STRAP: variants seen among roughly 807,000 people sequenced by gnomAD.
STRAP encodes the protein serine-threonine kinase receptor-associated protein.
Under a neutral mutation model 47.0 loss-of-function variants are expected in STRAP, and 16 were observed. The observed-to-expected ratio is 0.34, with a 90% CI of 0.23 to 0.52. The LOEUF (loss-of-function observed/expected upper bound fraction) is 0.52. STRAP is among the 20% of genes least tolerant of loss of function. STRAP has a pLI of 0.96. For synonymous variants in STRAP, 130 were observed against 142.7 expected (o/e 0.91, Z 0.63); for missense variants, 293 against 420.0 (o/e 0.70, Z 2.64).
chr12:15,893,558 A>G (rs1398519236), intron 4 of STRAP, among the ~76,000 whole-genome samples: 1 of 146,202 alleles, frequency 6.8e-6, no homozygotes, highest in Admixed American at 6.8e-5. Flanking sequence ...TATATTTATT[A>G]TACTTATACA....
rs71042275 is a variant in STRAP, at chr12:15,902,992, G to GT, written c.*15dup. ...GTTAAGGCCTGAGCGTCAATCATAT[G>GT]TGCAGTTAGTATACAACTGACTAAA... On this transcript the variant is annotated 3_prime_UTR_variant, in exon 10 of 10. Transcript: ENST00000419869. 1,549,643 of 1,549,652 alleles carry GT rather than the reference G, an allele frequency of 1. 774,817 individuals carry two copies. The highest frequency in any genetic ancestry group is 1 in the East Asian group (43,426 of 43,426).
In STRAP at chr12:15,899,965, C is replaced by G. The variant is rs368728573; in HGVS notation, c.837C>G (p.Leu279=). Residue 279 remains leucine, a synonymous_variant, in exon 8 of 10, where the codon CTC becomes CTG. Transcript: ENST00000419869. The part of the protein sequence containing the change: ...HCVRFSPDGE[L]YASGSEDGTL... Reference sequence around the variant, plus strand: ...TGAGATTTAGTCCTGATGGAGAACTCTATGCCAGTGGTTCAGAAGATGGAA... The same window carrying G: ...TGAGATTTAGTCCTGATGGAGAACTGTATGCCAGTGGTTCAGAAGATGGAA... The G allele has an allele frequency of 9.9e-6, 16 of 1,613,578 alleles. No individual in the cohort carries two copies. Among genetic ancestry groups the G allele is most frequent in the East Asian group, 2.2e-5 (1 of 44,840 alleles).
In STRAP at chr12:15,890,021, T is replaced by C. The variant is rs375975398; in HGVS notation, c.330+12T>C. On this transcript the variant is annotated intron_variant, in intron 3 of 9. Coordinates refer to ENST00000419869, the MANE Select transcript of STRAP (RefSeq NM_007178.4). The surrounding 1 kb of genome is among the most constrained non-coding windows in gnomAD (Gnocchi z 4.5). Reference sequence around the variant, plus strand: ...TGGATTTCACGCAGGTATCAGAAAATGGAATTTATTTTAGCGAGTTAAGTT... The same window carrying C: ...TGGATTTCACGCAGGTATCAGAAAACGGAATTTATTTTAGCGAGTTAAGTT... 1.7e-5 allele frequency: 28 copies of C among 1,612,630 alleles called. No individual in the cohort carries two copies. Among genetic ancestry groups the C allele is most frequent in the East Asian group, 2.2e-5 (1 of 44,812 alleles).
chr12:15,891,526 T>TA (rs1393020901), intron 4 of STRAP, among the ~76,000 whole-genome samples: 2 of 152,260 alleles, frequency 1.3e-5, no homozygotes, highest in Admixed American at 1.3e-4. Flanking sequence ...TTGGGCTACT[T>TA]ACAGATTTTA....
At chr12:15,891,614 C>T (rs996883684) in intron 4 of STRAP, among the ~76,000 whole-genome samples, 7 of 152,110 alleles carry the variant, frequency 4.6e-5, no homozygotes, top group African/African-American at 1.7e-4. Context: ...GATAACTAAG[C>T]AAAAGTAGAA....
rs1424517653 is a variant in STRAP, at chr12:15,882,830, C to A, written c.112+11C>A. The A allele has an allele frequency of 6.2e-7, 1 of 1,608,156 alleles. No individual in the cohort carries two copies. The highest frequency in any genetic ancestry group is 8.5e-7 in the Non-Finnish European group (1 of 1,176,732). The stretch of plus-strand genomic sequence containing the variant: ...TCAGCGCTTGCAAAGGTGAGCAAGG[C>A]CGCAATCCTGGTCCTCGACGGCTGG... On this transcript the variant is annotated intron_variant, in intron 1 of 9. Transcript: ENST00000419869.
In STRAP at chr12:15,902,908, T is replaced by TTC; in HGVS notation, c.992-9_992-8insTC. The TTC allele has an allele frequency of 6.7e-7, 1 of 1,489,800 alleles. No homozygotes were observed. Among genetic ancestry groups the TTC allele is most frequent in the Non-Finnish European group, 8.9e-7 (1 of 1,128,020 alleles). The allele number at this position is 1,489,800 out of a possible 1,614,324, so 92.3% of individuals were successfully genotyped here. On this transcript the variant is annotated splice_polypyrimidine_tract_variant and intron_variant, in intron 9 of 9. Transcript: ENST00000419869. ...GACTTTTTTTTTTTTTTTTTTTTTT[T>TTC]ACTTATAGAAGAAATTGCTTCAGAG...
chr12:15,893,465 A>G (rs1591986824), intron 4 of STRAP, among the ~76,000 whole-genome samples: 1 of 146,946 alleles, frequency 6.8e-6, no homozygotes, highest in Non-Finnish European at 1.5e-5. Context: ...TATAATAAAT[A>G]TATACTTTTT....
Position 15,883,787 on chromosome 12 carries a change from A to G in STRAP, c.248+111A>G, listed in dbSNP as rs866645516. The G allele has an allele frequency of 3.2e-5, 44 of 1,391,932 alleles. No individual in the cohort carries two copies. In the Middle Eastern group the frequency reaches 3.0e-3, roughly 93 times the overall value. 86.2% of individuals were successfully genotyped at this position (1,391,932 alleles called of 1,614,324 possible). Reference sequence around the variant, plus strand: ...AAAATTCTGACTCACTGGCTGCCATACAGAACGCATGTTTGATCCCACCAA... The same window carrying G: ...AAAATTCTGACTCACTGGCTGCCATGCAGAACGCATGTTTGATCCCACCAA... On this transcript the variant is annotated intron_variant, in intron 2 of 9. Coordinates refer to ENST00000419869, the MANE Select transcript of STRAP (RefSeq NM_007178.4).
chr12:15,893,497 A>G (rs1375917427), intron 4 of STRAP, among the ~76,000 whole-genome samples: 1 of 146,906 alleles, frequency 6.8e-6, no homozygotes, highest in Admixed American at 6.8e-5. Context: ...AATTCTTTTT[A>G]TTATACATAT....
intron 6 of STRAP, among the ~76,000 whole-genome samples, chr12:15,897,180 A>G (rs1442501551): frequency 1.3e-5 from 2 of 152,224 alleles, no homozygotes. Flanking sequence ...AAAGTATATG[A>G]TGATGGGAAG....
At position 15,883,174 on chromosome 12, in the gene STRAP, A is replaced by G. The variant is rs1468389042; in HGVS notation, c.112+355A>G. On this transcript the variant is annotated intron_variant, in intron 1 of 9. Coordinates refer to ENST00000419869, the MANE Select transcript of STRAP (RefSeq NM_007178.4). Reference sequence around the variant, plus strand: ...AGGAGAAATTAGGCCAGGCCGTGCAATACCTTACAAAGACGTTCGCTCTTG... The same window carrying G: ...AGGAGAAATTAGGCCAGGCCGTGCAGTACCTTACAAAGACGTTCGCTCTTG... The G allele has an allele frequency of 4.0e-6, 6 of 1,514,096 alleles. No homozygotes were observed. The African/African-American group carries it at 4.1e-5, about 10-fold the overall frequency. The allele number at this position is 1,514,096 out of a possible 1,614,324, so 93.8% of individuals were successfully genotyped here.
rs756207328 is a variant in STRAP, at chr12:15,894,072, T to C, written c.429T>C (p.Thr143=). 2.5e-6 allele frequency: 4 copies of C among 1,613,466 alleles called. No individual in the cohort carries two copies. The highest frequency in any genetic ancestry group is 1.3e-5 in the African/African-American group (1 of 74,924). The change falls in exon 5 of 10, where the codon ACT becomes ACC. Residue 143 remains threonine, a synonymous_variant. Coordinates refer to ENST00000419869, the MANE Select transcript of STRAP (RefSeq NM_007178.4). The surrounding 1 kb of genome is among the most constrained non-coding windows in gnomAD (Gnocchi z 4.9). Reference sequence around the variant, plus strand: ...AACCTAAGGAAATTAGTGGTCATACTTCTGGTATAAAAAAAGCTCTGTGGT... The same window carrying C: ...AACCTAAGGAAATTAGTGGTCATACCTCTGGTATAAAAAAAGCTCTGTGGT... ...EAEPKEISGH[T]SGIKKALWCS...
chr12:15,883,795 C>G, intron 2 of STRAP, 119 bp downstream of exon 2: 1 of 1,310,348 alleles, frequency 7.6e-7, no homozygotes, highest in Non-Finnish European at 1.0e-6. Context: ...ATACAGAACG[C>G]ATGTTTGATC....
chr12:15,893,800 G>A (rs1948038029), intron 4 of STRAP, among the ~76,000 whole-genome samples: 1 of 151,522 alleles, frequency 6.6e-6, no homozygotes. Flanking sequence ...AGTGAGTGGT[G>A]CATTCACTCA....
intron 2 of STRAP, among the ~76,000 whole-genome samples, chr12:15,885,318 G>T (rs1947961257): frequency 6.6e-6 from 1 of 151,268 alleles, no homozygotes; most frequent in Non-Finnish European, 1.5e-5. Flanking sequence ...CTTCCTGAGA[G>T]GCTGGGACTA....
At chr12:15,882,971 A>C (rs887144595) in intron 1 of STRAP, 152 bp downstream of exon 1, 96 of 1,378,756 alleles carry the variant, frequency 7.0e-5, no homozygotes, top group Non-Finnish European at 3.0e-6. Context: ...TCCGGTGGAG[A>C]AAGGAGTGTG....
chr12:15,882,998 T>C (rs1446921766), intron 1 of STRAP, 179 bp downstream of exon 1: 4 of 1,472,646 alleles, frequency 2.7e-6, no homozygotes, highest in Non-Finnish European at 3.7e-6. Flanking sequence ...AATCCGCAGC[T>C]GGAGCCGAGA....
chr12:15,899,776 G>T (rs550421795), intron 7 of STRAP, 128 bp from the exon 8 acceptor site: 1 of 831,088 alleles, frequency 1.2e-6, no homozygotes, highest in East Asian at 2.7e-5. Context: ...AATTAATTAA[G>T]TACAGGTTTT....
Sources: gnomAD v4.1 joint callset for allele counts (sites outside exome capture counted in the v4.1 genomes callset) on GRCh38, gnomAD v4.1.1 for gene constraint, Gnocchi (gnomAD v3.1) non-coding constraint, MANE v1.5 for transcripts, NCBI Gene and HGNC (gene_info 2026-07-23, HGNC 2026-07-21) for gene names.